PCDHA11: variants seen among roughly 807,000 people sequenced by gnomAD.
The protein encoded by PCDHA11 is protocadherin alpha 11.
In PCDHA11, 61 loss-of-function variants were observed where a neutral mutation model predicts 70.3. The ratio of observed to expected loss-of-function variants is 0.87; its 90% confidence interval spans 0.71 to 1.07. PCDHA11 has a LOEUF of 1.07. Among genes scored for constraint, PCDHA11 ranks in the 50% least tolerant of loss-of-function variants. The pLI, the probability that PCDHA11 is intolerant of heterozygous loss-of-function variation, is 0.00. For synonymous variants in PCDHA11, 633 were observed against 555.1 expected, an observed-to-expected ratio of 1.14 and a Z score of -1.97; for missense variants, 1,324 against 1,237.5, an observed-to-expected ratio of 1.07 and a Z score of -1.05.
chr5:140,882,265 T>C, intron 1 of PCDHA11: 1 of 1,609,948 alleles, frequency 6.2e-7, no homozygotes, highest in Non-Finnish European at 8.5e-7. Flanking sequence ...TTTTGGAGTG[T>C]ACCATGCTGT....
rs782755765 is a variant in PCDHA11, at chr5:140,869,235, C to T, written c.132C>T (p.Phe44=). The change falls in exon 1 of 4, where the codon TTC becomes TTT. Residue 44 remains phenylalanine (F), a synonymous_variant. Coordinates refer to ENST00000398640, the MANE Select transcript of PCDHA11 (RefSeq NM_018902.5). ...CGGAGGAGGCCAAACACGGCACCTT[C>T]GTGGGCCGCATCGCGCAGGACCTGG... is the stretch of plus-strand genomic sequence containing the variant. The part of the protein sequence containing the change: ...SVSEEAKHGT[F]VGRIAQDLGL... 1.2e-5 allele frequency: 19 copies of T among 1,613,568 alleles called. No homozygotes were observed. The South Asian group carries it at 1.5e-4, about 13-fold the overall frequency.
intron 1 of PCDHA11, among the ~76,000 whole-genome samples, chr5:140,910,320 A>G (rs1362740704): frequency 1.3e-5 from 2 of 152,212 alleles, no homozygotes; most frequent in African/African-American, 4.8e-5. Flanking sequence ...CATGAGTCAG[A>G]CTATTGTGAT....
intron 1 of PCDHA11, among the ~76,000 whole-genome samples, chr5:140,973,841 G>A (rs2096604649): frequency 6.6e-6 from 1 of 152,188 alleles, no homozygotes; most frequent in Admixed American, 6.5e-5. Context: ...CTTGCTTGTT[G>A]CCTACCAATT....
chr5:140,926,852 T>C, intron 1 of PCDHA11: 2 of 1,517,714 alleles, frequency 1.3e-6, no homozygotes, highest in Non-Finnish European at 1.8e-6. Flanking sequence ...GGGTCACCGT[T>C]GGTGTAGCGT....
rs2054518116 is a variant in PCDHA11, at chr5:140,873,832, T to G, written c.2391+2338T>G. Among the ~76,000 whole-genome samples, 4 of 152,260 alleles carry G rather than the reference T, an allele frequency of 2.6e-5. No homozygotes were observed. In the South Asian group the frequency reaches 8.3e-4, roughly 32 times the overall value. On this transcript the variant is annotated intron_variant, in intron 1 of 3. Transcript: ENST00000398640. ...TGCACCACCACTCCTGGCTAATTTT[T>G]GTATTTTTAGTAGAGATGGGTTTTC...
chr5:140,954,615 C>A (rs782262504), intron 1 of PCDHA11, among the ~76,000 whole-genome samples: 16 of 151,806 alleles, frequency 1.1e-4, no homozygotes, highest in Non-Finnish European at 1.6e-4. Context: ...TTTTAATGGG[C>A]TTGTTTGGGT....
At chr5:140,987,544 A>G (rs1316604535) in intron 3 of PCDHA11, among the ~76,000 whole-genome samples, 1 of 152,180 alleles carries the variant, frequency 6.6e-6, no homozygotes, top group Non-Finnish European at 1.5e-5. Context: ...CCATTACTTA[A>G]CTTTCCTGAT....
intron 1 of PCDHA11, chr5:140,968,987 T>C: frequency 6.2e-7 from 1 of 1,614,224 alleles, no homozygotes; most frequent in Non-Finnish European, 8.5e-7. Context: ...TGGCACTGCA[T>C]GCTGTGGAGG....
intron 1 of PCDHA11, among the ~76,000 whole-genome samples, chr5:140,918,885 T>G (rs2078908612): frequency 6.6e-6 from 1 of 152,202 alleles, no homozygotes; most frequent in Non-Finnish European, 1.5e-5. Context: ...TCTAGAACAG[T>G]GAAAAATAAA....
At chr5:140,942,382 A>C (rs1341028342) in intron 1 of PCDHA11, among the ~76,000 whole-genome samples, 2 of 152,102 alleles carry the variant, frequency 1.3e-5, no homozygotes, top group African/African-American at 4.8e-5. Context: ...ACTGCATTCC[A>C]GCCTGGGCGA....
At chr5:140,879,878 T>C (rs1462304142) in intron 1 of PCDHA11, among the ~76,000 whole-genome samples, 1 of 152,198 alleles carries the variant, frequency 6.6e-6, no homozygotes, top group Non-Finnish European at 1.5e-5. Context: ...ATGGTCACAT[T>C]GCCTCCTCCT....
intron 1 of PCDHA11, chr5:140,966,401 C>G (rs1218132824): frequency 2.5e-6 from 1 of 404,878 alleles, no homozygotes; most frequent in African/African-American, 2.1e-5. Flanking sequence ...CACTTCGGCG[C>G]GGAATCAGAG....
intron 3 of PCDHA11, among the ~76,000 whole-genome samples, chr5:141,000,401 A>ATT (rs2097917579): frequency 1.3e-5 from 1 of 76,232 alleles, no homozygotes; most frequent in Non-Finnish European, 2.5e-5. Flanking sequence ...CTCTCTATAT[A>ATT]TATATATATA....
intron 1 of PCDHA11, among the ~76,000 whole-genome samples, chr5:140,940,086 A>G (rs373629874): frequency 6.6e-6 from 1 of 152,214 alleles, no homozygotes; most frequent in African/African-American, 2.4e-5. Flanking sequence ...TTTCTGCTAA[A>G]TTGAAACTTT....
At chr5:140,877,323 C>A in intron 1 of PCDHA11, 1 of 1,613,988 alleles carries the variant, frequency 6.2e-7, no homozygotes, top group Non-Finnish European at 8.5e-7. Context: ...CGGCGGTCGG[C>A]GCGCACATCC....
intron 1 of PCDHA11, chr5:140,882,151 G>C (rs529033742): frequency 6.7e-7 from 1 of 1,503,572 alleles, no homozygotes; most frequent in African/African-American, 1.4e-5. Flanking sequence ...AGCAGAAAGC[G>C]GAATACCTCT....
chr5:140,986,572 G>T (rs1587171327), intron 3 of PCDHA11, among the ~76,000 whole-genome samples: 1 of 152,268 alleles, frequency 6.6e-6, no homozygotes, highest in East Asian at 1.9e-4. Context: ...TCTGTTATTG[G>T]TTTTTCCAGC....
intron 1 of PCDHA11, among the ~76,000 whole-genome samples, chr5:140,908,928 A>G (rs1426452860): frequency 6.6e-6 from 1 of 152,224 alleles, no homozygotes; most frequent in Non-Finnish European, 1.5e-5. Flanking sequence ...GGCCAAATGC[A>G]GCAACTTATC....
intron 1 of PCDHA11, chr5:140,884,356 C>T: frequency 6.2e-7 from 1 of 1,613,936 alleles, no homozygotes; most frequent in South Asian, 1.1e-5. Flanking sequence ...TGGTGGATGT[C>T]AATGTTTACT....
Sources: gnomAD v4.1 joint callset for allele counts (sites outside exome capture counted in the v4.1 genomes callset) on GRCh38, gnomAD v4.1.1 for gene constraint, MANE v1.5 for transcripts, NCBI Gene and HGNC (gene_info 2026-07-23, HGNC 2026-07-21) for gene names.